The following SYT17 variants were observed in gnomAD, a reference collection of about 807,000 sequenced individuals.
SYT17 encodes the protein synaptotagmin 17.
A neutral mutation model predicts 46.7 loss-of-function variants in SYT17; 22 were observed. That is an observed-to-expected ratio of 0.47 (90% CI 0.34 to 0.67). The LOEUF (loss-of-function observed/expected upper bound fraction) is 0.67. SYT17 is among the 30% of genes least tolerant of loss of function. The pLI, the probability that SYT17 is intolerant of heterozygous loss-of-function variation, is 0.01. For synonymous variants in SYT17, 251 were observed against 248.4 expected (o/e 1.01, Z -0.10); for missense variants, 519 against 612.8 (o/e 0.85, Z 1.62).
intron 5 of SYT17, among the ~76,000 whole-genome samples, chr16:19,198,037 T>C (rs1309777115): frequency 6.6e-6 from 1 of 152,216 alleles, no homozygotes; most frequent in African/African-American, 2.4e-5. Flanking sequence ...GAGTTACTTG[T>C]CATCTCTAAG....
intron 7 of SYT17, among the ~76,000 whole-genome samples, chr16:19,265,172 G>A (rs1293047476): frequency 6.6e-6 from 1 of 152,148 alleles, no homozygotes; most frequent in Non-Finnish European, 1.5e-5. Context: ...AGCCTTGAGT[G>A]TTACCTGTTC....
At chr16:19,210,378 AT>A (rs1480726377) in intron 5 of SYT17, among the ~76,000 whole-genome samples, 4 of 151,436 alleles carry the variant, frequency 2.6e-5, no homozygotes, top group Non-Finnish European at 5.9e-5. Context: ...CAAACATTGA[AT>A]TTTTTCCTTC....
chr16:19,169,122 G>C (rs1248121980), intron 1 of SYT17, among the ~76,000 whole-genome samples: 2 of 152,002 alleles, frequency 1.3e-5, no homozygotes, highest in East Asian at 1.9e-4. Context: ...CAAGGACGTC[G>C]TCTCTCCTGG....
At chr16:19,185,600 C>T (rs573633240) in intron 5 of SYT17, among the ~76,000 whole-genome samples, 2 of 144,724 alleles carry the variant, frequency 1.4e-5, no homozygotes, top group African/African-American at 5.0e-5. Context: ...GAGACCCTGT[C>T]TCTTTAAAAA....
intron 5 of SYT17, among the ~76,000 whole-genome samples, chr16:19,221,283 G>T (rs1966309747): frequency 6.6e-6 from 1 of 151,978 alleles, no homozygotes; most frequent in Non-Finnish European, 1.5e-5. Flanking sequence ...TTACAAGGTG[G>T]TGCACTGATG....
chr16:19,203,999 G>A (rs905295272), intron 5 of SYT17, among the ~76,000 whole-genome samples: 27 of 152,220 alleles, frequency 1.8e-4, no homozygotes, highest in Admixed American at 5.9e-4. Context: ...CTTATCCTGA[G>A]GGGGATGGGA....
chr16:19,187,860 A>G (rs1222759705), intron 5 of SYT17, among the ~76,000 whole-genome samples: 1 of 152,230 alleles, frequency 6.6e-6, no homozygotes, highest in Non-Finnish European at 1.5e-5. Flanking sequence ...TATAGAGAAA[A>G]AGGAACGCTT....
At chr16:19,193,806 G>T (rs554385148) in intron 5 of SYT17, among the ~76,000 whole-genome samples, 61 of 152,308 alleles carry the variant, frequency 4.0e-4, no homozygotes, top group Non-Finnish European at 7.3e-4. Flanking sequence ...TATTCACCGA[G>T]TTCCCATGTG....
At chr16:19,237,282 T>C (rs183692143) in intron 7 of SYT17, among the ~76,000 whole-genome samples, 319 of 152,274 alleles carry the variant, frequency 2.1e-3, no homozygotes, top group African/African-American at 7.4e-3. Flanking sequence ...TCTGATTCCA[T>C]AAGCCTGAGG....
In SYT17 at chr16:19,268,089, C is replaced by G. The variant is rs1326647959; in HGVS notation, c.*1013C>G. 1.3e-5 allele frequency: 2 copies of G among 152,124 alleles called. No homozygotes were observed. The highest frequency in any genetic ancestry group is 2.9e-5 in the Non-Finnish European group (2 of 68,036). The allele number at this position is 152,124 out of a possible 1,614,324, so 9.4% of individuals were successfully genotyped here. A position where few individuals can be genotyped will look rare whatever the true frequency, so the allele number is the denominator to read the frequency against. ...TATGGATTAAAATGGCTATCACACC[C>G]CATCCATGATGATCTTCTTCCTTAA... On this transcript the variant is annotated 3_prime_UTR_variant, in exon 8 of 8. Coordinates refer to ENST00000355377, the MANE Select transcript of SYT17 (RefSeq NM_016524.4).
Position 19,168,613 on chromosome 16 carries a change from A to C in SYT17, c.-34A>C. The C allele has an allele frequency of 6.5e-7, 1 of 1,541,304 alleles. No homozygotes were observed. Among genetic ancestry groups the C allele is most frequent in the East Asian group, 2.6e-5 (1 of 39,120 alleles). ...AGGGCAAAGTGGCCGTGGCGGCGCC[A>C]TGCCCGGGCCGGAGTGAGTGCGCGC... On this transcript the variant is annotated 5_prime_UTR_variant, in exon 1 of 8. It removes an upstream start codon present in the reference 5' UTR. Coordinates refer to ENST00000355377, the MANE Select transcript of SYT17 (RefSeq NM_016524.4). The surrounding 1 kb of genome is among the most constrained non-coding windows in gnomAD (Gnocchi z 6.9).
intron 5 of SYT17, among the ~76,000 whole-genome samples, chr16:19,192,807 A>G (rs533950142): frequency 1.3e-5 from 2 of 152,262 alleles, no homozygotes; most frequent in East Asian, 3.9e-4. Context: ...GGGGTGGTCA[A>G]GTGGGTTTCT....
rs1964166607 is a variant in SYT17, at chr16:19,173,096, A to T, written c.33+319A>T. ...CAGTAATATTCATTGTGTTTCGAACATATCGTATAGCCCTTATGATGTTGT... is the reference window on the plus strand; with the variant it reads ...CAGTAATATTCATTGTGTTTCGAACTTATCGTATAGCCCTTATGATGTTGT... On this transcript the variant is annotated intron_variant, in intron 2 of 7. Transcript: ENST00000355377. The T allele has an allele frequency of 5.4e-6, 3 of 556,592 alleles. No individual in the cohort carries two copies. The Admixed American group carries it at 1.1e-4, about 20-fold the overall frequency. The allele number at this position is 556,592 out of a possible 1,614,324, so 34.5% of individuals were successfully genotyped here. A position where few individuals can be genotyped will look rare whatever the true frequency, so the allele number is the denominator to read the frequency against.
At chr16:19,206,223 A>G (rs1965666405) in intron 5 of SYT17, among the ~76,000 whole-genome samples, 1 of 152,240 alleles carries the variant, frequency 6.6e-6, no homozygotes, top group African/African-American at 2.4e-5. Context: ...TGTGGAGACC[A>G]AGAAATAGAA....
intron 5 of SYT17, among the ~76,000 whole-genome samples, chr16:19,221,186 CAAAAA>C (rs575577083): frequency 3.2e-5 from 2 of 62,920 alleles, no homozygotes; most frequent in Admixed American, 1.9e-4. Flanking sequence ...GACCTTGTCT[CAAAAA>C]AAAAAAAAAA....
intron 1 of SYT17, 124 bp from the exon 2 acceptor site, chr16:19,172,635 CT>C (rs11388642): frequency 0.074 from 92,470 of 1,251,028 alleles, no homozygotes; most frequent in East Asian, 0.26. Context: ...ATATGCAGGG[CT>C]TTTTTTTTTT....
At chr16:19,221,491 G>A (rs534923427) in intron 5 of SYT17, among the ~76,000 whole-genome samples, 6 of 152,290 alleles carry the variant, frequency 3.9e-5, no homozygotes, top group Admixed American at 2.6e-4. Flanking sequence ...AAAATGTGAT[G>A]TGGGGCAAAC....
intron 7 of SYT17, among the ~76,000 whole-genome samples, chr16:19,247,539 C>T (rs569013176): frequency 1.3e-4 from 20 of 152,276 alleles, no homozygotes; most frequent in African/African-American, 4.6e-4. Context: ...GCCAGTGGCA[C>T]AATTTTTACT....
chr16:19,222,317 A>G (rs1025316432), intron 5 of SYT17, among the ~76,000 whole-genome samples: 1 of 151,884 alleles, frequency 6.6e-6, no homozygotes, highest in South Asian at 2.1e-4. Context: ...AAAAGGGGAC[A>G]GAGAAGTGGG....
Sources: gnomAD v4.1 joint callset for allele counts (sites outside exome capture counted in the v4.1 genomes callset) on GRCh38, gnomAD v4.1.1 for gene constraint, Gnocchi (gnomAD v3.1) non-coding constraint, MANE v1.5 for transcripts, NCBI Gene and HGNC (gene_info 2026-07-23, HGNC 2026-07-21) for gene names.